The following ATP8A2 variants were observed in gnomAD, a reference collection of about 807,000 sequenced individuals.
The protein encoded by ATP8A2 is ATPase phospholipid transporting 8A2, also known as phospholipid-transporting ATPase IB.
A neutral mutation model predicts 165.6 loss-of-function variants in ATP8A2; 100 were observed. The observed-to-expected ratio is 0.60, with a 90% CI of 0.51 to 0.71. The LOEUF is 0.71. ATP8A2 is among the 30% of genes least tolerant of loss of function. ATP8A2 has a pLI of 0.00. For synonymous variants in ATP8A2, 543 were observed against 548.8 expected (o/e 0.99, Z 0.15); for missense variants, 1,227 against 1,479.5 (o/e 0.83, Z 2.80).
chr13:25,453,088 C>T (rs540549967), intron 1 of ATP8A2, among the ~76,000 whole-genome samples: 4 of 151,934 alleles, frequency 2.6e-5, no homozygotes, highest in East Asian at 3.9e-4. Context: ...AGTGAGACTC[C>T]GTCTTTAAAA....
chr13:25,836,988 C>G (rs563536187), intron 28 of ATP8A2, among the ~76,000 whole-genome samples, 175 bp from the exon 29 acceptor site: 2 of 152,090 alleles, frequency 1.3e-5, no homozygotes, highest in Non-Finnish European at 2.9e-5. Flanking sequence ...TAGTGATTAA[C>G]GTAAAAATGG....
intron 1 of ATP8A2, among the ~76,000 whole-genome samples, chr13:25,404,409 C>T (rs1314081517): frequency 6.6e-6 from 1 of 152,050 alleles, no homozygotes; most frequent in African/African-American, 2.4e-5. Flanking sequence ...TGGTGAAGAT[C>T]CTTTGGAGGA....
intron 25 of ATP8A2, among the ~76,000 whole-genome samples, chr13:25,730,338 A>G (rs1189332929): frequency 1.3e-5 from 2 of 152,190 alleles, no homozygotes; most frequent in African/African-American, 4.8e-5. Flanking sequence ...TCTCTTTAAG[A>G]CAGGTATGTC....
chr13:25,449,485 A>G (rs1343394153), intron 1 of ATP8A2, among the ~76,000 whole-genome samples: 2 of 152,208 alleles, frequency 1.3e-5, no homozygotes, highest in Non-Finnish European at 2.9e-5. Context: ...GTTGTATGCT[A>G]TAGATTGTGG....
intron 35 of ATP8A2, among the ~76,000 whole-genome samples, chr13:26,008,731 C>CA (rs1441017385): frequency 1.3e-5 from 2 of 152,060 alleles, no homozygotes; most frequent in African/African-American, 2.4e-5. Flanking sequence ...AGATTCCCTG[C>CA]AAAAAATGGC....
chr13:25,909,280 C>T (rs921687603), intron 33 of ATP8A2, among the ~76,000 whole-genome samples: 18 of 152,132 alleles, frequency 1.2e-4, no homozygotes, highest in African/African-American at 4.1e-4. Flanking sequence ...GGATTTTGTA[C>T]GTTCCCACCT....
chr13:25,666,367 G>A (rs778140285), intron 24 of ATP8A2, among the ~76,000 whole-genome samples: 11 of 149,512 alleles, frequency 7.4e-5, no homozygotes, highest in Admixed American at 4.0e-4. Flanking sequence ...CTGCCACAAT[G>A]CCCGGCTAAT....
intron 6 of ATP8A2, among the ~76,000 whole-genome samples, chr13:25,537,438 A>ATAAAACAGAGAAAAATTTC (rs2038322692): frequency 1.3e-5 from 2 of 152,186 alleles, no homozygotes; most frequent in East Asian, 3.9e-4. Context: ...AGAAAAATTT[A>ATAAAACAGAGAAAAATTTC]TAAAACAGAG....
intron 28 of ATP8A2, among the ~76,000 whole-genome samples, chr13:25,833,280 A>G (rs980775398): frequency 2.0e-5 from 3 of 152,132 alleles, no homozygotes; most frequent in African/African-American, 7.2e-5. Context: ...TAAAATTAAT[A>G]TAAATATATA....
intron 24 of ATP8A2, among the ~76,000 whole-genome samples, chr13:25,636,828 C>G (rs990814043): frequency 6.6e-6 from 1 of 152,122 alleles, no homozygotes; most frequent in Admixed American, 6.5e-5. Context: ...TGTGGTACCT[C>G]ATGCCTGTGA....
rs990279865 is a variant in ATP8A2 at position 25,643,858 on chromosome 13, A to G, written c.2211+54159A>G. 7.9e-5 allele frequency among the ~76,000 whole-genome samples: 12 copies of G among 151,954 alleles called. 1 individual carries two copies. The highest frequency in any genetic ancestry group is 2.7e-4 in the African/African-American group (11 of 41,372). ...TAGCATGCCTTGTGTAGCATGGACA[A>G]TTTAACAATATTAATTATTCCTGTC... On this transcript the variant is annotated intron_variant, in intron 24 of 36. Coordinates refer to ENST00000381655, the MANE Select transcript of ATP8A2 (RefSeq NM_016529.6).
At chr13:25,545,642 GT>G (rs2038626262) in intron 10 of ATP8A2, among the ~76,000 whole-genome samples, 1 of 152,094 alleles carries the variant, frequency 6.6e-6, no homozygotes, top group South Asian at 2.1e-4. Flanking sequence ...TTGTTTGTTT[GT>G]TTGTTTTTTG....
chr13:25,594,662 A>G (rs1353447428), intron 24 of ATP8A2, among the ~76,000 whole-genome samples: 2 of 152,052 alleles, frequency 1.3e-5, no homozygotes, highest in East Asian at 1.9e-4. Context: ...GTGAGCACAT[A>G]CGATGTTTGG....
chr13:25,792,061 C>A (rs1245500891), intron 27 of ATP8A2, among the ~76,000 whole-genome samples: 1 of 152,116 alleles, frequency 6.6e-6, no homozygotes, highest in Admixed American at 6.5e-5. Flanking sequence ...GTGTAGAATT[C>A]TATTTGTGTC....
At chr13:25,760,967 A>G (rs1311579725) in intron 25 of ATP8A2, among the ~76,000 whole-genome samples, 1 of 152,232 alleles carries the variant, frequency 6.6e-6, no homozygotes, top group Non-Finnish European at 1.5e-5. Flanking sequence ...ATGCTCAAAT[A>G]TATGTGTTAA....
chr13:25,696,164 A>C (rs1260572594), intron 24 of ATP8A2, among the ~76,000 whole-genome samples: 1 of 152,198 alleles, frequency 6.6e-6, no homozygotes, highest in Admixed American at 6.5e-5. Flanking sequence ...TTTTGAAAGG[A>C]GTCTTTTGTT....
chr13:25,685,835 G>A (rs1324400997), intron 24 of ATP8A2, among the ~76,000 whole-genome samples: 1 of 152,126 alleles, frequency 6.6e-6, no homozygotes, highest in Admixed American at 6.5e-5. Context: ...TGCCTTCCAT[G>A]GTAACAGGGT....
chr13:25,964,125 G>A (rs989561384), intron 34 of ATP8A2, among the ~76,000 whole-genome samples: 3 of 152,204 alleles, frequency 2.0e-5, no homozygotes, highest in Admixed American at 1.3e-4. Context: ...GCTTTTCCGG[G>A]GAGCCAACAG....
At chr13:25,605,315 G>T (rs1161955255) in intron 24 of ATP8A2, among the ~76,000 whole-genome samples, 1 of 151,902 alleles carries the variant, frequency 6.6e-6, no homozygotes, top group Non-Finnish European at 1.5e-5. Flanking sequence ...TTGATTAATG[G>T]GATTATAGCC....
Sources: allele counts gnomAD v4.1 joint callset (sites outside exome capture counted in the v4.1 genomes callset), GRCh38; gene constraint gnomAD v4.1.1; transcripts MANE v1.5; gene names NCBI Gene and HGNC (gene_info 2026-07-23, HGNC 2026-07-21).